RNF4: variants seen among roughly 807,000 people sequenced by gnomAD.
The protein encoded by RNF4 is E3 ubiquitin-protein ligase RNF4.
A neutral mutation model predicts 24.3 loss-of-function variants in RNF4; 7 were observed. The ratio of observed to expected loss-of-function variants is 0.29; its 90% confidence interval spans 0.16 to 0.54. RNF4 has a LOEUF of 0.54. RNF4 is among the 20% of genes least tolerant of loss of function. The pLI is 0.95. For missense variants in RNF4, 209 were observed against 248.5 expected (o/e 0.84, Z 1.07); for synonymous variants, 83 against 84.3 (o/e 0.98, Z 0.09).
intron 4 of RNF4, among the ~76,000 whole-genome samples, chr4:2,501,064 A>G (rs1735896138): frequency 6.6e-6 from 1 of 152,256 alleles, no homozygotes; most frequent in Non-Finnish European, 1.5e-5. Context: ...GAGAATCTCA[A>G]GACCCCCACA....
At chr4:2,472,447 C>A (rs1235829160) in intron 1 of RNF4, among the ~76,000 whole-genome samples, 2 of 152,148 alleles carry the variant, frequency 1.3e-5, no homozygotes, top group East Asian at 3.9e-4. Flanking sequence ...ACTCTCAAAT[C>A]TTACTTAAGA....
chr4:2,504,542 T>G (rs1736010786), intron 4 of RNF4, among the ~76,000 whole-genome samples: 1 of 149,024 alleles, frequency 6.7e-6, no homozygotes, highest in African/African-American at 2.4e-5. Flanking sequence ...ATTTATTTAT[T>G]TATTTATTTA....
chr4:2,513,861 C>T lies in RNF4; in HGVS notation c.*42C>T, dbSNP rs755307762. ...CAGGAGAGACGGATGGACAGACAGA[C>T]AGCCAGGTTCTCCAGTGGTATCTGC... is the stretch of plus-strand genomic sequence containing the variant. On this transcript the variant is annotated 3_prime_UTR_variant, in exon 8 of 8. Transcript: ENST00000314289. 8 of 1,611,674 alleles carry T rather than the reference C, an allele frequency of 5.0e-6. No homozygotes were observed. Among genetic ancestry groups the T allele is most frequent in the African/African-American group, 1.3e-5 (1 of 74,878 alleles).
intron 4 of RNF4, chr4:2,505,376 A>C (rs1168581642): frequency 1.4e-5 from 2 of 146,602 alleles, no homozygotes; most frequent in African/African-American, 5.1e-5. Context: ...CCCAAGCTGG[A>C]GTACAGTGGT....
chr4:2,473,665 G>C (rs1030879088), intron 1 of RNF4, among the ~76,000 whole-genome samples: 2 of 152,222 alleles, frequency 1.3e-5, no homozygotes, highest in African/African-American at 4.8e-5. Flanking sequence ...CAAAAAATTA[G>C]CAGGGCGTGG....
chr4:2,499,633 G>A (rs927207710), intron 3 of RNF4, among the ~76,000 whole-genome samples: 18 of 151,962 alleles, frequency 1.2e-4, no homozygotes, highest in African/African-American at 3.9e-4. Context: ...ATGGTTGTGC[G>A]TCATTTTTTA....
At chr4:2,479,971 C>T (rs373531626) in intron 1 of RNF4, 1 of 152,102 alleles carries the variant, frequency 6.6e-6, no homozygotes, top group Non-Finnish European at 1.5e-5. Flanking sequence ...AGGGTCTTGC[C>T]CAGGCTGGAG....
At chr4:2,477,357 C>G (rs572897776) in intron 1 of RNF4, among the ~76,000 whole-genome samples, 1 of 151,976 alleles carries the variant, frequency 6.6e-6, no homozygotes, top group African/African-American at 2.4e-5. Flanking sequence ...GAGGCCAAGG[C>G]GGGCGGATCA....
intron 4 of RNF4, among the ~76,000 whole-genome samples, chr4:2,501,788 G>A (rs1221645520): frequency 6.6e-6 from 1 of 152,142 alleles, no homozygotes; most frequent in African/African-American, 2.4e-5. Flanking sequence ...GGGCTCACTG[G>A]TGTTGGGGTT....
At chr4:2,476,275 C>T (rs1735068378) in intron 1 of RNF4, among the ~76,000 whole-genome samples, 1 of 152,168 alleles carries the variant, frequency 6.6e-6, no homozygotes, top group African/African-American at 2.4e-5. Context: ...CTTGTAAGTA[C>T]CTTCTTGATG....
At chr4:2,476,233 A>G (rs1381725813) in intron 1 of RNF4, among the ~76,000 whole-genome samples, 1 of 152,200 alleles carries the variant, frequency 6.6e-6, no homozygotes, top group Admixed American at 6.5e-5. Flanking sequence ...ATATGGCAGC[A>G]TTCTGTGTTA....
chr4:2,470,675 T>C (rs1734875196), intron 1 of RNF4, among the ~76,000 whole-genome samples: 1 of 152,228 alleles, frequency 6.6e-6, no homozygotes, highest in Non-Finnish European at 1.5e-5. Context: ...TTTTTCACTC[T>C]CCTCAAGATC....
intron 1 of RNF4, among the ~76,000 whole-genome samples, chr4:2,484,125 G>A (rs1367392644): frequency 7.5e-6 from 1 of 133,446 alleles, no homozygotes; most frequent in Non-Finnish European, 1.5e-5. Flanking sequence ...CACCATGCCT[G>A]ACCCAGGTCT....
chr4:2,476,688 G>A (rs909473425), intron 1 of RNF4, among the ~76,000 whole-genome samples: 3 of 149,694 alleles, frequency 2.0e-5, no homozygotes, highest in African/African-American at 5.0e-5. Flanking sequence ...ACCACGTCCA[G>A]CCCTTTTCTT....
chr4:2,493,300 G>A (rs543747608), intron 2 of RNF4, among the ~76,000 whole-genome samples: 1 of 152,122 alleles, frequency 6.6e-6, no homozygotes, highest in African/African-American at 2.4e-5. Context: ...GGCATGGAGG[G>A]GTCGATAGAG....
intron 4 of RNF4, chr4:2,506,023 T>A (rs1209343807): frequency 1.3e-5 from 2 of 152,140 alleles, no homozygotes; most frequent in African/African-American, 4.8e-5. Context: ...CTAGGCAGTT[T>A]TTGCCCTGAA....
At chr4:2,505,401 C>T (rs1429350901) in intron 4 of RNF4, 2 of 151,382 alleles carry the variant, frequency 1.3e-5, no homozygotes, top group Admixed American at 6.6e-5. Context: ...TCTTGGCTCA[C>T]TGCCAGCTCC....
At chr4:2,482,923 GC>G (rs1178004443) in intron 1 of RNF4, among the ~76,000 whole-genome samples, 2 of 152,164 alleles carry the variant, frequency 1.3e-5, no homozygotes, top group African/African-American at 4.8e-5. Context: ...GTTGTGATTA[GC>G]TACATCCTGC....
intron 3 of RNF4, among the ~76,000 whole-genome samples, chr4:2,499,884 C>T (rs887870039): frequency 2.6e-5 from 4 of 151,800 alleles, no homozygotes; most frequent in Admixed American, 6.6e-5. Flanking sequence ...TGGCCGGGCA[C>T]GGTGGCTCAC....
Sources: allele counts gnomAD v4.1 joint callset (sites outside exome capture counted in the v4.1 genomes callset), GRCh38; gene constraint gnomAD v4.1.1; transcripts MANE v1.5; gene names NCBI Gene and HGNC (gene_info 2026-07-23, HGNC 2026-07-21).